C12orf54: variants seen among roughly 807,000 people sequenced by gnomAD.
The protein encoded by C12orf54 is chromosome 12 open reading frame 54, also known as uncharacterized protein C12orf54.
A neutral mutation model predicts 26.4 loss-of-function variants in C12orf54; 24 were observed. The observed-to-expected ratio is 0.91, with a 90% CI of 0.66 to 1.28. The LOEUF (loss-of-function observed/expected upper bound fraction) is 1.28. C12orf54 is among the 50% of genes most tolerant of loss of function. The probability of loss-of-function intolerance (pLI) is 0.00; values close to 1 mark genes in which losing one functional copy is unlikely to be tolerated. For missense variants in C12orf54, 154 were observed against 150.9 expected (o/e 1.02, Z -0.11); for synonymous variants, 54 against 47.0 (o/e 1.15, Z -0.61).
At chr12:48,456,551 A>T in the C12orf54 span, among the ~76,000 whole-genome samples, 1 of 152,194 alleles carries the variant, frequency 6.6e-6, no homozygotes, top group Non-Finnish European at 1.5e-5. Flanking sequence ...AGAGGGTTAA[A>T]TTTGAATCCC....
At chr12:48,423,150 A>G in the C12orf54 span, among the ~76,000 whole-genome samples, 1 of 152,130 alleles carries the variant, frequency 6.6e-6, no homozygotes, top group African/African-American at 2.4e-5. Context: ...TTTTTGTTTT[A>G]TATGAGAAGA....
At chr12:48,438,611 A>G in the C12orf54 span, among the ~76,000 whole-genome samples, 16 of 152,198 alleles carry the variant, frequency 1.1e-4, no homozygotes, top group Non-Finnish European at 2.2e-4. Flanking sequence ...CATATCTACA[A>G]CTATCTGATC....
At chr12:48,482,083 G>T (rs1291173393), upstream of C12orf54, among the ~76,000 whole-genome samples, 3 of 152,100 alleles carry the variant, frequency 2.0e-5, no homozygotes, top group African/African-American at 7.2e-5. Context: ...AAATCTAAAT[G>T]GTTTTAAATC....
the C12orf54 span, among the ~76,000 whole-genome samples, chr12:48,420,782 G>T: frequency 1.3e-5 from 2 of 152,086 alleles, no homozygotes; most frequent in Non-Finnish European, 2.9e-5. Flanking sequence ...CCCTGCCTTT[G>T]GTTTCAGAAG....
At chr12:48,481,774 C>T (rs1265505568), upstream of C12orf54, among the ~76,000 whole-genome samples, 2 of 152,150 alleles carry the variant, frequency 1.3e-5, no homozygotes, top group Non-Finnish European at 2.9e-5. Context: ...TATCTCAGGT[C>T]CTGTCTGCCT....
the C12orf54 span, among the ~76,000 whole-genome samples, chr12:48,445,180 A>T: frequency 6.6e-6 from 1 of 152,158 alleles, no homozygotes; most frequent in Admixed American, 6.5e-5. Flanking sequence ...CTCTTAAAAA[A>T]AAAAATTAAT....
intron 4 of C12orf54, 31 bp downstream of exon 4, chr12:48,486,757 T>A (rs1937652015): frequency 3.1e-6 from 5 of 1,598,570 alleles, no homozygotes. Context: ...TTTGACAGCA[T>A]GGCATGAGGT....
the C12orf54 span, among the ~76,000 whole-genome samples, chr12:48,434,673 A>T: frequency 6.6e-6 from 1 of 152,236 alleles, no homozygotes; most frequent in Non-Finnish European, 1.5e-5. Flanking sequence ...AACCTCCAGG[A>T]AACTCCAACA....
At chr12:48,472,574 C>G in the C12orf54 span, 1 of 1,481,488 alleles carries the variant, frequency 6.7e-7, no homozygotes, top group Non-Finnish European at 9.2e-7. Context: ...CCCAGCAGAG[C>G]TGGTTGAGCT....
the C12orf54 span, among the ~76,000 whole-genome samples, chr12:48,435,412 G>C: frequency 3.3e-5 from 5 of 152,114 alleles, no homozygotes; most frequent in Non-Finnish European, 7.4e-5. Context: ...TACAGAGAAT[G>C]CCACAAAGAT....
At chr12:48,488,259 C>A in intron 4 of C12orf54, 3 of 627,952 alleles carry the variant, frequency 4.8e-6, no homozygotes, top group Non-Finnish European at 9.0e-6. Flanking sequence ...CAGGCCTCGG[C>A]CTAAAGGTCT....
At chr12:48,438,993 T>C in the C12orf54 span, among the ~76,000 whole-genome samples, 48 of 152,114 alleles carry the variant, frequency 3.2e-4, no homozygotes, top group Admixed American at 5.9e-4. Flanking sequence ...AGAAAATTTT[T>C]GCAACCTACT....
At chr12:48,438,774 A>T in the C12orf54 span, among the ~76,000 whole-genome samples, 3 of 152,276 alleles carry the variant, frequency 2.0e-5, no homozygotes, top group African/African-American at 4.8e-5. Flanking sequence ...TTAAAGACTT[A>T]CATGTTAGAC....
At chr12:48,416,716 G>T in the C12orf54 span, among the ~76,000 whole-genome samples, 2 of 152,124 alleles carry the variant, frequency 1.3e-5, no homozygotes, top group Non-Finnish European at 2.9e-5. Context: ...ACAAAAATTA[G>T]CTGGGCATGG....
chr12:48,461,256 G>C, the C12orf54 span, among the ~76,000 whole-genome samples: 2 of 151,906 alleles, frequency 1.3e-5, no homozygotes, highest in Admixed American at 6.6e-5. Context: ...CACAAAGACA[G>C]AGAACTAAGG....
At chr12:48,493,513 G>A (rs1592204970) in intron 7 of C12orf54, among the ~76,000 whole-genome samples, 2 of 151,278 alleles carry the variant, frequency 1.3e-5, no homozygotes, top group African/African-American at 4.9e-5. Context: ...CCAGCTACTC[G>A]GGAGGCTGAG....
chr12:48,435,095 C>T, the C12orf54 span, among the ~76,000 whole-genome samples: 10 of 152,156 alleles, frequency 6.6e-5, no homozygotes, highest in African/African-American at 1.2e-4. Flanking sequence ...AACTATGGCA[C>T]GAGAACTACC....
At chr12:48,452,674 C>T in the C12orf54 span, among the ~76,000 whole-genome samples, 1 of 152,054 alleles carries the variant, frequency 6.6e-6, no homozygotes, top group South Asian at 2.1e-4. Context: ...CAAACAACTC[C>T]ATTAAAAAGT....
the C12orf54 span, among the ~76,000 whole-genome samples, chr12:48,421,679 G>A: frequency 5.9e-5 from 9 of 151,862 alleles, no homozygotes; most frequent in Non-Finnish European, 7.4e-5. Flanking sequence ...ATAGGCGCAC[G>A]CCACCACACC....
Sources: allele counts gnomAD v4.1 joint callset (sites outside exome capture counted in the v4.1 genomes callset), GRCh38; gene constraint gnomAD v4.1.1; transcripts MANE v1.5; gene names NCBI Gene and HGNC (gene_info 2026-07-23, HGNC 2026-07-21).